The following FAM124B variants were observed in gnomAD, a reference collection of about 807,000 sequenced individuals.
The protein encoded by FAM124B is family with sequence similarity 124 member B, also known as protein FAM124B.
FAM124B carries 18 observed loss-of-function variants against 19.7 expected under a neutral mutation model. The observed-to-expected ratio is 0.92, with a 90% CI of 0.63 to 1.36. The LOEUF is 1.36. Among genes scored for constraint, FAM124B ranks in the 40% most tolerant of loss-of-function variants. The probability of loss-of-function intolerance (pLI) is 0.00; values close to 1 mark genes in which losing one functional copy is unlikely to be tolerated. For synonymous variants in FAM124B, 223 were observed against 225.2 expected (o/e 0.99, Z 0.09); for missense variants, 540 against 553.3 (o/e 0.98, Z 0.24).
Position 224,401,154 on chromosome 2 carries a change from C to A in FAM124B, c.615G>T (p.Leu205=), listed in dbSNP as rs1468649798. Residue 205 remains leucine, a synonymous_variant, in exon 1 of 2, where the codon CTG becomes CTT. Transcript: ENST00000409685. The part of the protein sequence containing the change: ...MSVDPKESSV[L]QFKVQEIGQL... ...GGCCGATCTCTTGAACCTTAAACTG[C>A]AGCACCGAAGACTCTTTGGGGTCCA... 1.2e-6 allele frequency: 2 copies of A among 1,614,050 alleles called. No homozygotes were observed. The highest frequency in any genetic ancestry group is 2.7e-5 in the African/African-American group (2 of 74,918).
rs1689677317 is a variant in FAM124B at position 224,379,535 on chromosome 2, T to C, written c.*38A>G. 1 of 1,484,838 alleles carries C rather than the reference T, an allele frequency of 6.7e-7. No individual in the cohort carries two copies. Among genetic ancestry groups the C allele is most frequent in the Non-Finnish European group, 8.9e-7 (1 of 1,117,610 alleles). The allele number at this position is 1,484,838 out of a possible 1,614,324, so 92.0% of individuals were successfully genotyped here. On this transcript the variant is annotated 3_prime_UTR_variant, in exon 2 of 2. Transcript: ENST00000409685. ...AGTACTCCATTTCTAGAACATTTTA[T>C]CTGATCTTGTGTTTTAGAAAACCAC...
chr2:224,382,993 G>C (rs1244225377), intron 1 of FAM124B, among the ~76,000 whole-genome samples: 1 of 152,148 alleles, frequency 6.6e-6, no homozygotes, highest in Non-Finnish European at 1.5e-5. Flanking sequence ...GTGTTGAAGA[G>C]AGCTTCCACC....
At chr2:224,380,326 TTTGGTTGAA>T (rs1336151580) in intron 1 of FAM124B, 118 bp from the exon 2 acceptor site, 1 of 906,170 alleles carries the variant, frequency 1.1e-6, no homozygotes, top group African/African-American at 1.7e-5. Context: ...TTTCAGTAAA[TTTGGTTGAA>T]TTGAATAGAA....
chr2:224,401,389 C>T lies in FAM124B; in HGVS notation c.380G>A (p.Gly127Glu), dbSNP rs1690069502. ...GGAGCCACAGTGCACCTGCCTCACC[C>T]CCCAGATGGGCAGCTGACTGTCCAG... ...YSLDSQLPIWGVRQVHCGSEI... is the reference protein window; with the variant it reads ...YSLDSQLPIWEVRQVHCGSEI... The change falls in exon 1 of 2, where the codon GGG (glycine) becomes GAG (glutamate). Residue 127 changes from glycine to glutamate, a missense_variant. Transcript: ENST00000409685. The T allele has an allele frequency of 6.2e-7, 1 of 1,614,094 alleles. No individual in the cohort carries two copies. Among genetic ancestry groups the T allele is most frequent in the Admixed American group, 1.7e-5 (1 of 60,016 alleles).
intron 1 of FAM124B, among the ~76,000 whole-genome samples, chr2:224,396,874 G>A (rs192540636): frequency 5.3e-5 from 8 of 152,300 alleles, no homozygotes; most frequent in Admixed American, 1.3e-4. Context: ...CGACCCTGGC[G>A]GATGCCTGGC....
At position 224,378,713 on chromosome 2, in the gene FAM124B, T is replaced by G. The variant is rs970529976; in HGVS notation, c.*860A>C. 1.3e-5 allele frequency: 2 copies of G among 152,218 alleles called. No homozygotes were observed. The highest frequency in any genetic ancestry group is 4.8e-5 in the African/African-American group (2 of 41,456). The allele number at this position is 152,218 out of a possible 1,614,324, so 9.4% of individuals were successfully genotyped here. ...TATTCAAATGTAGGTATTCAAAAAA[T>G]GTTTATTGAATGAACATATATAAAT... On this transcript the variant is annotated 3_prime_UTR_variant, in exon 2 of 2. Coordinates refer to ENST00000409685, the MANE Select transcript of FAM124B (RefSeq NM_001122779.2).
rs116445183 is a variant in FAM124B, at chr2:224,393,301, C to A, written c.732+7736G>T. ...TCCCTATGATTAAGTCAGGAAAAGC[C>A]TCCAGAATGGATGGCCGGCAACCAA... is the stretch of plus-strand genomic sequence containing the variant. On this transcript the variant is annotated intron_variant, in intron 1 of 1. Transcript: ENST00000409685. Among the ~76,000 whole-genome samples, 384 of 152,278 alleles carry A rather than the reference C, an allele frequency of 2.5e-3. 4 individuals are homozygous for A. The highest frequency in any genetic ancestry group is 9.0e-3 in the African/African-American group (372 of 41,554).
intron 1 of FAM124B, chr2:224,400,587 G>C: frequency 1.5e-6 from 1 of 649,472 alleles, no homozygotes; most frequent in Non-Finnish European, 2.8e-6. Context: ...CAGATTAGAA[G>C]AGCTTGTGAC....
Position 224,401,593 on chromosome 2 carries a change from G to T in FAM124B, c.176C>A (p.Ser59Tyr). 1 of 1,614,162 alleles carries T rather than the reference G, an allele frequency of 6.2e-7. No individual in the cohort carries two copies. The highest frequency in any genetic ancestry group is 1.1e-5 in the South Asian group (1 of 91,080). ...CATCCCTGGAAACCGGGACCGCTTG[G>T]AATGGGACTTTTCACAGTATTTCAC... ...SPVKYCEKSHSKRSRFPGMSV... is the reference protein window; with the variant it reads ...SPVKYCEKSHYKRSRFPGMSV... Residue 59 changes from serine (S) to tyrosine (Y), a missense_variant, in exon 1 of 2, where the codon TCC becomes TAC. Coordinates refer to ENST00000409685, the MANE Select transcript of FAM124B (RefSeq NM_001122779.2).
rs569711521 is a variant in FAM124B, at chr2:224,390,855, C to T, written c.732+10182G>A. On this transcript the variant is annotated intron_variant, in intron 1 of 1. Transcript: ENST00000409685. Reference sequence around the variant, plus strand: ...AGCTGGGACTACAGGCGCCCACCACCACGCCCGGCTAATTTTTTTGTATTT... The same window carrying T: ...AGCTGGGACTACAGGCGCCCACCACTACGCCCGGCTAATTTTTTTGTATTT... 2.4e-4 allele frequency among the ~76,000 whole-genome samples: 36 copies of T among 150,618 alleles called. No homozygotes were observed. In the East Asian group the frequency reaches 6.8e-3, roughly 28 times the overall value.
At position 224,379,325 on chromosome 2, in the gene FAM124B, C is replaced by T. The variant is rs536056488; in HGVS notation, c.*248G>A. On this transcript the variant is annotated 3_prime_UTR_variant, in exon 2 of 2. Transcript: ENST00000409685. ...ATCCAGCTGGGTTAGTGCATCTCCA[C>T]GGAACAAAAGCATTCGGTTTTTTTC... 19 of 463,846 alleles carry T rather than the reference C, an allele frequency of 4.1e-5. No homozygotes were observed. The highest frequency in any genetic ancestry group is 7.9e-5 in the African/African-American group (4 of 50,836). The allele number at this position is 463,846 out of a possible 1,614,324, so 28.7% of individuals were successfully genotyped here.
At position 224,401,912 on chromosome 2, in the gene FAM124B, C is replaced by G; in HGVS notation, c.-144G>C. On this transcript the variant is annotated 5_prime_UTR_variant, in exon 1 of 2. Coordinates refer to ENST00000409685, the MANE Select transcript of FAM124B (RefSeq NM_001122779.2). ...GGCTACTTCTGAGCAGAGCTCTTAACCAGACTAACACGTGCTCCTGGCCAC... is the reference window on the plus strand; with the variant it reads ...GGCTACTTCTGAGCAGAGCTCTTAAGCAGACTAACACGTGCTCCTGGCCAC... The G allele has an allele frequency of 2.1e-6, 2 of 972,594 alleles. No individual in the cohort carries two copies. Among genetic ancestry groups the G allele is most frequent in the Non-Finnish European group, 3.0e-6 (2 of 667,906 alleles). The allele number at this position is 972,594 out of a possible 1,614,324, so 60.2% of individuals were successfully genotyped here.
At chr2:224,390,852 C>T (rs1689875718) in intron 1 of FAM124B, among the ~76,000 whole-genome samples, 1 of 151,672 alleles carries the variant, frequency 6.6e-6, no homozygotes, top group Admixed American at 6.6e-5. Context: ...AGGCGCCCAC[C>T]ACCACGCCCG....
intron 1 of FAM124B, 98 bp from the exon 2 acceptor site, chr2:224,380,306 C>A: frequency 9.2e-7 from 1 of 1,083,614 alleles, no homozygotes; most frequent in Non-Finnish European, 1.3e-6. Flanking sequence ...ATGCCATGCC[C>A]ATAGCAGACT....
intron 1 of FAM124B, among the ~76,000 whole-genome samples, chr2:224,386,430 A>AT (rs1411327272): frequency 6.6e-6 from 1 of 152,148 alleles, no homozygotes; most frequent in Non-Finnish European, 1.5e-5. Flanking sequence ...TAGCAGTAGG[A>AT]TTTTAGACCA....
Position 224,401,492 on chromosome 2 carries a change from G to C in FAM124B, c.277C>G (p.Pro93Ala). The C allele has an allele frequency of 6.2e-7, 1 of 1,614,132 alleles. No homozygotes were observed. Among genetic ancestry groups the C allele is most frequent in the South Asian group, 1.1e-5 (1 of 91,080 alleles). ...FRVLDSLQHS[P>A]WQCYPTQDTR... ...TCCTGGGTGGGGTAGCACTGCCATG[G>C]CGAATGCTGGAGAGAGTCCAGGACG... The change falls in exon 1 of 2, where the codon CCA becomes GCA. Residue 93 changes from proline (P) to alanine (A), a missense_variant. Coordinates refer to ENST00000409685, the MANE Select transcript of FAM124B (RefSeq NM_001122779.2).
intron 1 of FAM124B, among the ~76,000 whole-genome samples, chr2:224,381,375 G>C: frequency 6.6e-6 from 1 of 152,124 alleles, no homozygotes; most frequent in East Asian, 1.9e-4. Flanking sequence ...AGGATCCCTC[G>C]AGCCCAGGAG....
chr2:224,391,178 T>C (rs1689880941), intron 1 of FAM124B, among the ~76,000 whole-genome samples: 1 of 150,368 alleles, frequency 6.7e-6, no homozygotes, highest in African/African-American at 2.4e-5. Context: ...CCATCTCTAC[T>C]AAAAATACGA....
chr2:224,398,927 A>G (rs950928773), intron 1 of FAM124B, among the ~76,000 whole-genome samples: 68 of 152,220 alleles, frequency 4.5e-4, no homozygotes, highest in African/African-American at 1.7e-4. Flanking sequence ...CAGTGAGCTG[A>G]GATCACACCA....
Sources: gnomAD v4.1 joint callset for allele counts (sites outside exome capture counted in the v4.1 genomes callset) on GRCh38, gnomAD v4.1.1 for gene constraint, MANE v1.5 for transcripts, NCBI Gene and HGNC (gene_info 2026-07-23, HGNC 2026-07-21) for gene names.